The following SCNN1B variants were observed in gnomAD, a reference collection of about 807,000 sequenced individuals.
SCNN1B encodes the protein sodium channel epithelial 1 subunit beta, also known as epithelial sodium channel subunit beta.
Under a neutral mutation model 65.3 loss-of-function variants are expected in SCNN1B, and 46 were observed. The observed-to-expected ratio is 0.70, with a 90% CI of 0.56 to 0.90. The LOEUF (loss-of-function observed/expected upper bound fraction) is 0.90. SCNN1B is among the 40% of genes least tolerant of loss of function. The probability of loss-of-function intolerance (pLI) is 0.00; values close to 1 mark genes in which losing one functional copy is unlikely to be tolerated. For missense variants in SCNN1B, 751 were observed against 830.5 expected (o/e 0.90, Z 1.18); for synonymous variants, 349 against 330.6 (o/e 1.06, Z -0.60).
intron 1 of SCNN1B, among the ~76,000 whole-genome samples, chr16:23,338,993 C>T (rs565867386): frequency 1.3e-5 from 2 of 152,290 alleles, no homozygotes. Context: ...ATATTCTCAT[C>T]GTCTCCAAAA....
At chr16:23,284,752 C>G (rs1196249152) in intron 2 of SCNN1B, among the ~76,000 whole-genome samples, 1 of 152,190 alleles carries the variant, frequency 6.6e-6, no homozygotes. Context: ...TGGGGCAGCC[C>G]TACTAAGTAA....
intron 1 of SCNN1B, among the ~76,000 whole-genome samples, chr16:23,328,964 T>A (rs909071777): frequency 6.6e-6 from 1 of 151,668 alleles, no homozygotes; most frequent in Non-Finnish European, 1.5e-5. Flanking sequence ...CCCAGTTCAT[T>A]TTTTAAGATT....
intron 1 of SCNN1B, among the ~76,000 whole-genome samples, chr16:23,345,543 A>T (rs768816394): frequency 2.0e-5 from 3 of 152,150 alleles, no homozygotes; most frequent in Non-Finnish European, 2.9e-5. Context: ...TCTCAGGAAG[A>T]CTTCCCGTTT....
chr16:23,357,885 A>G (rs1332568015), intron 4 of SCNN1B, among the ~76,000 whole-genome samples: 2 of 152,200 alleles, frequency 1.3e-5, no homozygotes, highest in Non-Finnish European at 2.9e-5. Context: ...AGGGATACCA[A>G]ACAGACTACT....
At chr16:23,333,103 AAGGAAGGGAGGGAGGG>A (rs1444162608) in intron 1 of SCNN1B, among the ~76,000 whole-genome samples, 3 of 114,708 alleles carry the variant, frequency 2.6e-5, no homozygotes, top group Non-Finnish European at 5.1e-5. Flanking sequence ...GGGAGGAAGG[AAGGAAGGGAGGGAGGG>A]AGGGAGGGAG....
In SCNN1B at chr16:23,348,212, T is replaced by A. The variant is rs1448013393; in HGVS notation, c.-8-380T>A. 6.6e-6 allele frequency among the ~76,000 whole-genome samples: 1 copy of A among 152,034 alleles called. No homozygotes were observed. Among genetic ancestry groups the A allele is most frequent in the Non-Finnish European group, 1.5e-5 (1 of 68,010 alleles). ...TGAAACATTGAACAAAACGACGTCG[T>A]TTGAGGACTTGCTATACCACATTTT... On this transcript the variant is annotated intron_variant, in intron 1 of 12. Coordinates refer to ENST00000343070, the MANE Select transcript of SCNN1B (RefSeq NM_000336.3). The surrounding 1 kb of genome is among the most constrained non-coding windows in gnomAD (Gnocchi z 4.5).
intron 1 of SCNN1B, among the ~76,000 whole-genome samples, chr16:23,319,032 TTTTG>T (rs1455072555): frequency 1.5e-5 from 2 of 135,472 alleles, no homozygotes; most frequent in Non-Finnish European, 3.0e-5. Flanking sequence ...TTTTTGGGGG[TTTTG>T]TTTGTTTTGT....
At chr16:23,292,378 T>C (rs963151103) in intron 2 of SCNN1B, among the ~76,000 whole-genome samples, 1 of 151,388 alleles carries the variant, frequency 6.6e-6, no homozygotes, top group Non-Finnish European at 1.5e-5. Context: ...TTTGTATTTT[T>C]AGTAGAGACG....
At chr16:23,372,931 C>T (rs1387223941) in intron 7 of SCNN1B, among the ~76,000 whole-genome samples, 2 of 148,282 alleles carry the variant, frequency 1.3e-5, no homozygotes, top group Non-Finnish European at 3.0e-5. Context: ...GAAACCCCGT[C>T]TCTACTAAAA....
chr16:23,336,511 A>G (rs1273197567), intron 1 of SCNN1B, among the ~76,000 whole-genome samples: 1 of 151,940 alleles, frequency 6.6e-6, no homozygotes, highest in Non-Finnish European at 1.5e-5. Flanking sequence ...AGCTGAGACC[A>G]CAGATGCGTG....
At chr16:23,378,853 C>G (rs1962970003) in intron 11 of SCNN1B, 86 bp downstream of exon 11, 5 of 1,235,546 alleles carry the variant, frequency 4.0e-6, no homozygotes, top group Non-Finnish European at 6.0e-6. Context: ...GACAGCTCCT[C>G]AGACACATTC....
At chr16:23,282,677 C>T (rs1960799422) in intron 1 of SCNN1B, among the ~76,000 whole-genome samples, 1 of 152,168 alleles carries the variant, frequency 6.6e-6, no homozygotes. Context: ...AAGACACACC[C>T]ACTAGTGTGC....
chr16:23,319,036 G>T lies in SCNN1B; in HGVS notation c.-9+16599G>T, dbSNP rs867457939. On this transcript the variant is annotated intron_variant, in intron 1 of 12. Coordinates refer to ENST00000343070, the MANE Select transcript of SCNN1B (RefSeq NM_000336.3). ...TGGTTTTTTGTTTTTTGGGGGTTTT[G>T]TTTGTTTTGTTTTTTTTTTTTTTGA... Among the ~76,000 whole-genome samples, 83 of 133,942 alleles carry T rather than the reference G, an allele frequency of 6.2e-4. 1 individual carries two copies. In the Middle Eastern group the frequency reaches 0.025, roughly 40 times the overall value. 87.9% of individuals were successfully genotyped at this position (133,942 alleles called of 152,430 possible). A position where few individuals can be genotyped will look rare whatever the true frequency, so the allele number is the denominator to read the frequency against.
At chr16:23,364,295 G>A (rs1962606343) in intron 4 of SCNN1B, among the ~76,000 whole-genome samples, 1 of 152,122 alleles carries the variant, frequency 6.6e-6, no homozygotes, top group African/African-American at 2.4e-5. Context: ...TTTGCATAGG[G>A]GTTCAGGGAG....
chr16:23,360,574 T>TG (rs1410599946), intron 4 of SCNN1B, among the ~76,000 whole-genome samples: 75 of 147,202 alleles, frequency 5.1e-4, no homozygotes, highest in African/African-American at 1.9e-3. Context: ...GAGACTTTGT[T>TG]GTTGGTGGTG....
At chr16:23,306,843 G>A (rs934411704) in intron 1 of SCNN1B, among the ~76,000 whole-genome samples, 4 of 152,190 alleles carry the variant, frequency 2.6e-5, no homozygotes, top group African/African-American at 4.8e-5. Context: ...ATAGGAAGAT[G>A]TAACTGGAGA....
chr16:23,283,636 T>C (rs760829618), intron 1 of SCNN1B: 2 of 152,144 alleles, frequency 1.3e-5, no homozygotes, highest in African/African-American at 2.4e-5. Flanking sequence ...CCATTGTAAA[T>C]CAGGGATTGT....
intron 4 of SCNN1B, among the ~76,000 whole-genome samples, chr16:23,365,585 A>AAT (rs1449974235): frequency 1.6e-5 from 1 of 64,200 alleles, no homozygotes; most frequent in African/African-American, 4.3e-5. Context: ...GAAAGAAAGA[A>AAT]AGAGAAAGAA....
At chr16:23,321,795 A>G (rs1227929359) in intron 1 of SCNN1B, among the ~76,000 whole-genome samples, 1 of 152,110 alleles carries the variant, frequency 6.6e-6, no homozygotes, top group Non-Finnish European at 1.5e-5. Context: ...GTCCGAAGCA[A>G]GAGAATCGCT....
Sources: allele counts gnomAD v4.1 joint callset (sites outside exome capture counted in the v4.1 genomes callset), GRCh38; gene constraint gnomAD v4.1.1; non-coding constraint Gnocchi (gnomAD v3.1); transcripts MANE v1.5; gene names NCBI Gene and HGNC (gene_info 2026-07-23, HGNC 2026-07-21).